Variants in SLC19A3 observed in about 807,000 individuals in gnomAD.
The protein encoded by SLC19A3 is thiamine transporter 2.
Under a neutral mutation model 40.2 loss-of-function variants are expected in SLC19A3, and 31 were observed. The ratio of observed to expected loss-of-function variants is 0.77; its 90% CI spans 0.58 to 1.04. SLC19A3 has a LOEUF of 1.04. SLC19A3 is among the 50% of genes least tolerant of loss of function. The pLI is 0.00. For missense variants in SLC19A3, 592 were observed against 596.7 expected, an observed-to-expected ratio of 0.99 and a Z score of 0.08; for synonymous variants, 212 against 227.5, an observed-to-expected ratio of 0.93 and a Z score of 0.61.
intron 4 of SLC19A3, among the ~76,000 whole-genome samples, chr2:227,690,778 G>T (rs577450994): frequency 2.0e-5 from 3 of 146,494 alleles, no homozygotes; most frequent in Non-Finnish European, 4.5e-5. Context: ...TATAAAGCAA[G>T]TATTAGAGCT....
At position 227,687,447 on chromosome 2, in the gene SLC19A3, C is replaced by A. The variant is rs368717276; in HGVS notation, c.1441G>T (p.Val481Leu). ...QSPAPSENPD[V>L]SHPEEESNII... is the part of the protein sequence containing the mutation. ...TTACTCTCTTCCTCTGGGTGAGACACATCTGGATTCTCACTTGGAGCAGGG... is the reference window on the plus strand; with the variant it reads ...TTACTCTCTTCCTCTGGGTGAGACAAATCTGGATTCTCACTTGGAGCAGGG... The change falls in exon 6 of 6, where the codon GTG becomes TTG. Residue 481 changes from valine (V) to leucine (L), a missense_variant. Coordinates refer to ENST00000644224, the MANE Select transcript of SLC19A3 (RefSeq NM_025243.4). 1.2e-6 allele frequency: 2 copies of A among 1,614,000 alleles called. No homozygotes were observed. Among genetic ancestry groups the A allele is most frequent in the South Asian group, 2.2e-5 (2 of 91,090 alleles).
rs115012454 is a variant in SLC19A3 at position 227,693,669 on chromosome 2, C to T, written c.1172+2220G>A. Among the ~76,000 whole-genome samples, 320 of 152,218 alleles carry T rather than the reference C, an allele frequency of 2.1e-3. 1 individual carries two copies. The highest frequency in any genetic ancestry group is 3.0e-3 in the Non-Finnish European group (206 of 68,024). On this transcript the variant is annotated intron_variant, in intron 4 of 5. Coordinates refer to ENST00000644224, the MANE Select transcript of SLC19A3 (RefSeq NM_025243.4). ...AAAACATTGGGGAAACTCTCTGGGA[C>T]GTTGGAGTGGGCAAAGATTTCTTGA... is the stretch of plus-strand genomic sequence containing the variant.
In SLC19A3 at chr2:227,708,874, C is replaced by T. The variant is rs563376551; in HGVS notation, c.-2-6554G>A. Among the ~76,000 whole-genome samples the T allele has an allele frequency of 1.1e-4, 16 of 152,226 alleles. No homozygotes were observed. In the South Asian group the frequency reaches 3.1e-3, roughly 30 times the overall value. ...TGAGTTACAAATGAAGATTGGAACT[C>T]ACATCTCCTGGGTTTGCTGCTGTAT... On this transcript the variant is annotated intron_variant, in intron 1 of 5. Transcript: ENST00000644224.
chr2:227,712,211 C>G (rs1574580808), intron 1 of SLC19A3, among the ~76,000 whole-genome samples: 1 of 152,142 alleles, frequency 6.6e-6, no homozygotes, highest in South Asian at 2.1e-4. Context: ...CAAGACCAGC[C>G]TGGACAACAC....
chr2:227,704,717 G>T (rs771653272), intron 1 of SLC19A3, among the ~76,000 whole-genome samples: 1 of 152,142 alleles, frequency 6.6e-6, no homozygotes, highest in African/African-American at 2.4e-5. Context: ...GAGGCCAGGA[G>T]ATCAAGGTGT....
At chr2:227,700,826 T>C (rs1695657091) in intron 2 of SLC19A3, 1 of 847,128 alleles carries the variant, frequency 1.2e-6, no homozygotes, top group African/African-American at 1.8e-5. Flanking sequence ...GCATGGGATC[T>C]CAATTTTCAC....
intron 2 of SLC19A3, among the ~76,000 whole-genome samples, chr2:227,699,797 C>G (rs913338341): frequency 6.6e-6 from 1 of 152,142 alleles, no homozygotes; most frequent in Non-Finnish European, 1.5e-5. Context: ...GCTTATTGTG[C>G]AATCTGAATT....
Position 227,685,003 on chromosome 2 carries a change from A to AAAAAG in SLC19A3, c.*2393_*2394insCTTTT, listed in dbSNP as rs72239408. On this transcript the variant is annotated 3_prime_UTR_variant, in exon 6 of 6. Coordinates refer to ENST00000644224, the MANE Select transcript of SLC19A3 (RefSeq NM_025243.4). ...ATCAAAAAAAAAAAAAAAAAAAAAA[A>AAAAAG]AAGAAGAAGAAGAAAAAGAATAGCG... The AAAAAG allele has an allele frequency of 6.7e-6, 1 of 149,768 alleles. No homozygotes were observed. The highest frequency in any genetic ancestry group is 1.5e-5 in the Non-Finnish European group (1 of 67,710). The allele number at this position is 149,768 out of a possible 1,614,324, so 9.3% of individuals were successfully genotyped here.
intron 3 of SLC19A3, among the ~76,000 whole-genome samples, chr2:227,697,009 G>A (rs60645595): frequency 0.042 from 6,375 of 152,238 alleles, 442 homozygotes; most frequent in African/African-American, 0.14. Context: ...AGTTTGCAAT[G>A]AGCTGAAATC....
chr2:227,699,940 C>T (rs1036087189), intron 2 of SLC19A3, among the ~76,000 whole-genome samples: 7 of 151,848 alleles, frequency 4.6e-5, no homozygotes, highest in Non-Finnish European at 7.4e-5. Context: ...TGCAGTGGCC[C>T]GATCTTCGCT....
At chr2:227,706,530 G>A (rs1234998288) in intron 1 of SLC19A3, 10 of 1,133,684 alleles carry the variant, frequency 8.8e-6, no homozygotes, top group Non-Finnish European at 1.1e-5. Flanking sequence ...CAGCGCTTTG[G>A]GAGGCTGAGG....
At chr2:227,697,176 C>T (rs1415233900) in intron 3 of SLC19A3, among the ~76,000 whole-genome samples, 1 of 140,212 alleles carries the variant, frequency 7.1e-6, no homozygotes, top group Non-Finnish European at 1.5e-5. Context: ...AACTATTTTT[C>T]CCCCCATGGA....
chr2:227,710,617 G>A (rs866380809), intron 1 of SLC19A3, among the ~76,000 whole-genome samples: 1 of 151,906 alleles, frequency 6.6e-6, no homozygotes, highest in Non-Finnish European at 1.5e-5. Flanking sequence ...AAAGAAAAAC[G>A]AATCTTACAG....
intron 2 of SLC19A3, among the ~76,000 whole-genome samples, chr2:227,700,166 C>T (rs1406893099): frequency 5.9e-5 from 9 of 151,934 alleles, no homozygotes; most frequent in South Asian, 2.1e-4. Flanking sequence ...CGTGAGCCAC[C>T]GTGCCCGGCC....
At chr2:227,687,930 T>C (rs1049323506) in intron 5 of SLC19A3, among the ~76,000 whole-genome samples, 2 of 152,186 alleles carry the variant, frequency 1.3e-5, no homozygotes, top group African/African-American at 2.4e-5. Flanking sequence ...ACATTCAATG[T>C]CTCCAAGAAT....
intron 1 of SLC19A3, among the ~76,000 whole-genome samples, chr2:227,714,185 T>G (rs1024276102): frequency 6.6e-6 from 1 of 152,196 alleles, no homozygotes; most frequent in Non-Finnish European, 1.5e-5. Context: ...TACAACTCTC[T>G]GTAGCTCTGG....
chr2:227,707,620 AC>A (rs72292042), intron 1 of SLC19A3, among the ~76,000 whole-genome samples: 19,823 of 151,142 alleles, frequency 0.13, 2,087 homozygotes, highest in East Asian at 0.64. Context: ...ATAAAAAAAA[AC>A]AAATTTAAAA....
At chr2:227,692,491 C>T (rs1296524034) in intron 4 of SLC19A3, among the ~76,000 whole-genome samples, 1 of 152,128 alleles carries the variant, frequency 6.6e-6, no homozygotes, top group East Asian at 1.9e-4. Context: ...GTATGTGATA[C>T]AATTCAACAT....
rs1247435862 is a variant in SLC19A3, at chr2:227,686,042, C to T, written c.*1355G>A. 2.2e-5 allele frequency: 7 copies of T among 323,242 alleles called. No individual in the cohort carries two copies. The highest frequency in any genetic ancestry group is 3.7e-5 in the Non-Finnish European group (6 of 160,288). 20.0% of individuals were successfully genotyped at this position (323,242 alleles called of 1,614,324 possible). Reference sequence around the variant, plus strand: ...TGAAACCCCATCTCCACTAAAAATACAAAAATTAGCCAGGCGTGGTGGTGT... The same window carrying T: ...TGAAACCCCATCTCCACTAAAAATATAAAAATTAGCCAGGCGTGGTGGTGT... On this transcript the variant is annotated 3_prime_UTR_variant, in exon 6 of 6. Coordinates refer to ENST00000644224, the MANE Select transcript of SLC19A3 (RefSeq NM_025243.4).
Sources: gnomAD v4.1 joint callset for allele counts (sites outside exome capture counted in the v4.1 genomes callset) on GRCh38, gnomAD v4.1.1 for gene constraint, MANE v1.5 for transcripts, NCBI Gene and HGNC (gene_info 2026-07-23, HGNC 2026-07-21) for gene names.